Variants in GAS2 observed in about 807,000 individuals in gnomAD.
GAS2 encodes the protein growth arrest-specific protein 2.
Under a neutral mutation model 37.5 loss-of-function variants are expected in GAS2, and 20 were observed. The observed-to-expected ratio is 0.53, with a 90% CI of 0.37 to 0.77. The LOEUF (loss-of-function observed/expected upper bound fraction) is 0.77. Among genes scored for constraint, GAS2 ranks in the 30% least tolerant of loss-of-function variants. GAS2 has a pLI of 0.00. For synonymous variants in GAS2, 144 were observed against 132.2 expected, an observed-to-expected ratio of 1.09 and a Z score of -0.61; for missense variants, 336 against 373.4, an observed-to-expected ratio of 0.90 and a Z score of 0.82.
intron 1 of GAS2, among the ~76,000 whole-genome samples, chr11:22,650,609 G>T (rs1848762110): frequency 6.8e-6 from 1 of 147,992 alleles, no homozygotes; most frequent in Non-Finnish European, 1.5e-5. Flanking sequence ...CTCCTGTATT[G>T]GGTGCATATA....
chr11:22,809,654 A>G (rs1396068523), intron 7 of GAS2, among the ~76,000 whole-genome samples: 2 of 131,916 alleles, frequency 1.5e-5, no homozygotes, highest in East Asian at 4.3e-4. Context: ...TGCCCAGCTA[A>G]TTTTTTTTTT....
At chr11:22,660,686 A>G (rs570903721) in intron 1 of GAS2, among the ~76,000 whole-genome samples, 19 of 152,334 alleles carry the variant, frequency 1.2e-4, no homozygotes, top group Non-Finnish European at 2.4e-4. Flanking sequence ...CAAATTTACT[A>G]TGCCTATTCC....
intron 1 of GAS2, among the ~76,000 whole-genome samples, chr11:22,652,993 G>GTCTGTCTT (rs1554965874): frequency 2.1e-5 from 2 of 97,036 alleles, no homozygotes; most frequent in African/African-American, 4.9e-5. Flanking sequence ...TTCTTTCTTT[G>GTCTGTCTT]TCTTTCTTTC....
intron 1 of GAS2, among the ~76,000 whole-genome samples, chr11:22,643,393 A>T (rs1383055578): frequency 6.6e-6 from 1 of 151,056 alleles, no homozygotes. Context: ...AGTTAGTCCC[A>T]CTGGAAGGGG....
intron 3 of GAS2, among the ~76,000 whole-genome samples, chr11:22,694,699 A>C (rs1171195124): frequency 6.6e-6 from 1 of 152,168 alleles, no homozygotes; most frequent in Non-Finnish European, 1.5e-5. Context: ...AGCAAACTTT[A>C]ATAGGGTCAT....
intron 1 of GAS2, among the ~76,000 whole-genome samples, chr11:22,636,440 C>A (rs1414793294): frequency 6.6e-6 from 1 of 152,140 alleles, no homozygotes; most frequent in Admixed American, 6.6e-5. Flanking sequence ...AATATGAATT[C>A]TACCACTTAC....
At chr11:22,725,856 A>G (rs974666530) in intron 3 of GAS2, among the ~76,000 whole-genome samples, 1 of 152,090 alleles carries the variant, frequency 6.6e-6, no homozygotes, top group African/African-American at 2.4e-5. Flanking sequence ...ATGTGTTTAT[A>G]CCTCTAAGAA....
chr11:22,797,466 T>C (rs1856482824), intron 7 of GAS2, among the ~76,000 whole-genome samples: 1 of 152,102 alleles, frequency 6.6e-6, no homozygotes, highest in African/African-American at 2.4e-5. Flanking sequence ...AGATTGGTTC[T>C]CAACATCTAG....
At chr11:22,734,953 CA>C (rs1444550133) in intron 4 of GAS2, among the ~76,000 whole-genome samples, 1 of 151,708 alleles carries the variant, frequency 6.6e-6, no homozygotes, top group Non-Finnish European at 1.5e-5. Context: ...CATTTTATAG[CA>C]ATAAGGTAAG....
At chr11:22,780,359 G>A (rs1325603883) in intron 7 of GAS2, among the ~76,000 whole-genome samples, 1 of 151,976 alleles carries the variant, frequency 6.6e-6, no homozygotes, top group Non-Finnish European at 1.5e-5. Flanking sequence ...GCCAGACGTG[G>A]CGGCATGCAC....
intron 2 of GAS2, among the ~76,000 whole-genome samples, chr11:22,679,471 C>A (rs1849577263): frequency 6.6e-6 from 1 of 152,012 alleles, no homozygotes; most frequent in African/African-American, 2.4e-5. Context: ...GAGCAAACAG[C>A]ATGTTATTAC....
chr11:22,688,160 C>T (rs868024900), intron 3 of GAS2, among the ~76,000 whole-genome samples: 2 of 152,058 alleles, frequency 1.3e-5, no homozygotes, highest in African/African-American at 4.8e-5. Flanking sequence ...ATTAATTGGA[C>T]GTGTCTGAGC....
chr11:22,682,103 T>C (rs925752008), intron 2 of GAS2, among the ~76,000 whole-genome samples: 4 of 152,056 alleles, frequency 2.6e-5, no homozygotes, highest in Non-Finnish European at 5.9e-5. Flanking sequence ...CAAAAAAAAC[T>C]CACCTTTCAG....
chr11:22,665,733 A>G (rs992199324), upstream of GAS2, among the ~76,000 whole-genome samples: 3 of 152,226 alleles, frequency 2.0e-5, no homozygotes, highest in African/African-American at 7.2e-5. Flanking sequence ...AGTTTCTGCC[A>G]GATAATGGCA....
Position 22,686,800 on chromosome 11 carries a change from T to A in GAS2, c.267+1011T>A, listed in dbSNP as rs191679276. On this transcript the variant is annotated intron_variant, in intron 3 of 7. Transcript: ENST00000454584. Reference sequence around the variant, plus strand: ...AAGACAATTTAAGACAAAAAGCAACTGTTAAGCCTTTTCTGCAACTCTGAC... The same window carrying A: ...AAGACAATTTAAGACAAAAAGCAACAGTTAAGCCTTTTCTGCAACTCTGAC... Among the ~76,000 whole-genome samples the A allele has an allele frequency of 3.9e-5, 6 of 151,984 alleles. No individual in the cohort carries two copies. The East Asian group carries it at 7.7e-4, about 20-fold the overall frequency.
At chr11:22,695,178 G>T (rs1850439055) in intron 3 of GAS2, among the ~76,000 whole-genome samples, 1 of 152,042 alleles carries the variant, frequency 6.6e-6, no homozygotes, top group African/African-American at 2.4e-5. Context: ...AAAATTAGCT[G>T]GGTGTGGTGG....
intron 7 of GAS2, among the ~76,000 whole-genome samples, chr11:22,796,209 A>T (rs1288516510): frequency 1.3e-5 from 2 of 152,116 alleles, no homozygotes; most frequent in Non-Finnish European, 2.9e-5. Flanking sequence ...CTGGGTGCTA[A>T]CCAATCCTTA....
At chr11:22,797,784 G>A (rs894127374) in intron 7 of GAS2, among the ~76,000 whole-genome samples, 5 of 152,018 alleles carry the variant, frequency 3.3e-5, no homozygotes, top group Non-Finnish European at 7.4e-5. Flanking sequence ...CTAACTTTCA[G>A]CATTTTTGTA....
At position 22,812,001 on chromosome 11, in the gene GAS2, G is replaced by C. The variant is rs1857199862; in HGVS notation, c.927G>C (p.Lys309Asn). 2 of 1,613,826 alleles carry C rather than the reference G, an allele frequency of 1.2e-6. No homozygotes were observed. The highest frequency in any genetic ancestry group is 1.3e-5 in the African/African-American group (1 of 74,914). The change falls in exon 8 of 8, where the codon AAG (lysine) becomes AAC (asparagine). Residue 309 changes from lysine (K) to asparagine (N), a missense_variant. Physicochemically the swap from Lys to Asn is moderately conservative, Grantham distance 94. Transcript: ENST00000454584. Reference protein sequence around the residue: ...YLVVSASYKAKKEIK With the variant: ...YLVVSASYKANKEIK ...TGGTCTCTGCCAGTTATAAGGCTAAGAAGGAAATTAAGTGAAACAAATTGG... is the reference window on the plus strand; with the variant it reads ...TGGTCTCTGCCAGTTATAAGGCTAACAAGGAAATTAAGTGAAACAAATTGG...
Sources: gnomAD v4.1 joint callset for allele counts (sites outside exome capture counted in the v4.1 genomes callset) on GRCh38, gnomAD v4.1.1 for gene constraint, MANE v1.5 for transcripts, NCBI Gene and HGNC (gene_info 2026-07-23, HGNC 2026-07-21) for gene names.